DNMBP: variants seen among roughly 807,000 people sequenced by gnomAD.
The protein encoded by DNMBP is dynamin-binding protein.
A neutral mutation model predicts 150.0 loss-of-function variants in DNMBP; 87 were observed. That is an observed-to-expected ratio of 0.58 (90% confidence interval 0.49 to 0.69). The LOEUF is 0.69. Ranked by LOEUF, DNMBP falls within the 30% of genes least tolerant of loss-of-function variation. The probability of loss-of-function intolerance (pLI) is 0.00; values close to 1 mark genes in which losing one functional copy is unlikely to be tolerated. For synonymous variants in DNMBP, 711 were observed against 750.4 expected (o/e 0.95, Z 0.86); for missense variants, 1,774 against 1,949.0 (o/e 0.91, Z 1.69).
At chr10:99,978,050 A>C (rs2040747125) in intron 1 of DNMBP, among the ~76,000 whole-genome samples, 1 of 152,242 alleles carries the variant, frequency 6.6e-6, no homozygotes, top group South Asian at 2.1e-4. Context: ...ACCAAGTGTC[A>C]GACACTGATC....
rs78121188 is a variant in DNMBP, at chr10:99,896,713, G to A, written c.2921-316C>T. ...CATTAAATCAGTCATTTTACCTTGA[G>A]TCTCATTTTCCTCTTCAATAAAATG... On this transcript the variant is annotated intron_variant, in intron 9 of 16. Coordinates refer to ENST00000324109, the MANE Select transcript of DNMBP (RefSeq NM_015221.4). Among the ~76,000 whole-genome samples the A allele has an allele frequency of 6.6e-3, 1,004 of 152,284 alleles. 12 individuals are homozygous for A. The highest frequency in any genetic ancestry group is 0.023 in the African/African-American group (960 of 41,576).
At chr10:99,971,518 T>C (rs1303874886) in intron 2 of DNMBP, among the ~76,000 whole-genome samples, 1 of 151,574 alleles carries the variant, frequency 6.6e-6, no homozygotes, top group Admixed American at 6.6e-5. Flanking sequence ...TTTTTATTTT[T>C]ATTATTTATT....
intron 4 of DNMBP, among the ~76,000 whole-genome samples, chr10:99,914,857 CGA>C (rs1221757903): frequency 2.6e-5 from 4 of 151,718 alleles, no homozygotes; most frequent in Non-Finnish European, 4.4e-5. Flanking sequence ...CCTGGGAGGC[CGA>C]GATGGGTGGA....
intron 7 of DNMBP, among the ~76,000 whole-genome samples, chr10:99,899,419 C>A (rs1419036064): frequency 6.6e-6 from 1 of 151,938 alleles, no homozygotes; most frequent in Non-Finnish European, 1.5e-5. Flanking sequence ...GTGGCCAACA[C>A]GGTGAAACCC....
intron 4 of DNMBP, among the ~76,000 whole-genome samples, chr10:99,919,113 C>T (rs1295328833): frequency 6.6e-6 from 1 of 152,140 alleles, no homozygotes; most frequent in Admixed American, 6.5e-5. Context: ...TCACGTTTTA[C>T]AAATGAGGAA....
At position 99,952,165 on chromosome 10, in the gene DNMBP, CCAT is replaced by C. The variant is rs377514945; in HGVS notation, c.2260+3046_2260+3048del. On this transcript the variant is annotated intron_variant, in intron 4 of 16. Transcript: ENST00000324109. ...GTGACTTGCTCCTCCTTGCCTTCCACCATGATTGTGAGGCCTCCCCAACCATGT... is the reference window on the plus strand; with the variant it reads ...GTGACTTGCTCCTCCTTGCCTTCCACGATTGTGAGGCCTCCCCAACCATGT... Among the ~76,000 whole-genome samples, 235 of 152,272 alleles carry C rather than the reference CCAT, an allele frequency of 1.5e-3. 1 individual carries two copies. The highest frequency in any genetic ancestry group is 0.014 in the East Asian group (72 of 5,176).
intron 4 of DNMBP, among the ~76,000 whole-genome samples, chr10:99,946,411 A>C (rs954390879): frequency 2.0e-5 from 3 of 152,270 alleles, no homozygotes; most frequent in African/African-American, 7.2e-5. Context: ...TACTATTTAA[A>C]GGCATGTAAA....
intron 4 of DNMBP, among the ~76,000 whole-genome samples, chr10:99,932,631 T>C (rs1269148886): frequency 2.7e-5 from 4 of 149,296 alleles, no homozygotes; most frequent in Non-Finnish European, 5.9e-5. Flanking sequence ...TCATATCCGA[T>C]TCTAAGAAGA....
chr10:100,007,223 T>C (rs1015145334), intron 1 of DNMBP, among the ~76,000 whole-genome samples: 2 of 152,130 alleles, frequency 1.3e-5, no homozygotes, highest in African/African-American at 2.4e-5. Context: ...TACCCTTTCC[T>C]GACTCTAAAG....
chr10:99,979,592 G>A (rs4919407), intron 1 of DNMBP, among the ~76,000 whole-genome samples: 71,007 of 151,960 alleles, frequency 0.47, 17,610 homozygotes, highest in African/African-American at 0.63. Context: ...TTCTGAGGAC[G>A]CTAATCTTTG....
chr10:99,910,792 A>G (rs2039889575), intron 4 of DNMBP, among the ~76,000 whole-genome samples: 1 of 152,260 alleles, frequency 6.6e-6, no homozygotes, highest in African/African-American at 2.4e-5. Context: ...TTGAGTATAA[A>G]TGAAAAAGCA....
intron 1 of DNMBP, among the ~76,000 whole-genome samples, chr10:99,993,614 C>A (rs1222326905): frequency 6.6e-6 from 1 of 152,028 alleles, no homozygotes; most frequent in Non-Finnish European, 1.5e-5. Flanking sequence ...CCAGTCTGGG[C>A]AACATAGTGA....
intron 4 of DNMBP, among the ~76,000 whole-genome samples, chr10:99,910,504 T>C (rs868271852): frequency 1.3e-5 from 2 of 152,176 alleles, no homozygotes; most frequent in Non-Finnish European, 2.9e-5. Context: ...AGTGCCATTA[T>C]TGCACTCCAG....
At chr10:100,007,157 C>G (rs559181622) in intron 1 of DNMBP, among the ~76,000 whole-genome samples, 1 of 152,188 alleles carries the variant, frequency 6.6e-6, no homozygotes, top group South Asian at 2.1e-4. Flanking sequence ...TATTTGACCC[C>G]TCTATATAAA....
intron 4 of DNMBP, chr10:99,914,115 A>G (rs1242045217): frequency 2.2e-6 from 3 of 1,359,010 alleles, no homozygotes; most frequent in Non-Finnish European, 2.9e-6. Context: ...GAATCGCGCA[A>G]GTCACCCGGG....
Position 99,983,641 on chromosome 10 carries a change from G to C in DNMBP, c.-10-11507C>G, listed in dbSNP as rs145487051. 2.7e-3 allele frequency among the ~76,000 whole-genome samples: 418 copies of C among 152,326 alleles called. 3 individuals carry two copies. The highest frequency in any genetic ancestry group is 4.2e-3 in the Non-Finnish European group (286 of 68,034). On this transcript the variant is annotated intron_variant, in intron 1 of 16. Coordinates refer to ENST00000324109, the MANE Select transcript of DNMBP (RefSeq NM_015221.4). ...CTTCAACAGCGGCCTCCTACCCTGC[G>C]TGCCCCCAGGACCGCAGCACTGACT...
intron 16 of DNMBP, among the ~76,000 whole-genome samples, chr10:99,877,698 T>C (rs2039298355): frequency 6.6e-6 from 1 of 152,090 alleles, no homozygotes; most frequent in Non-Finnish European, 1.5e-5. Context: ...ACCCCACCTC[T>C]ACTAAAAATA....
intron 15 of DNMBP, among the ~76,000 whole-genome samples, chr10:99,882,574 A>T (rs183199462): frequency 5.5e-4 from 84 of 152,244 alleles, no homozygotes; most frequent in Non-Finnish European, 1.0e-3. Flanking sequence ...ACAAAGCTAG[A>T]CCCTATCTCA....
Position 99,955,638 on chromosome 10 carries a change from TGGC to T in DNMBP, c.1833_1835del (p.Pro613del). On this transcript the variant is annotated inframe_deletion, in exon 4 of 17. Transcript: ENST00000324109. ...TGGATACCGGAGTACAGGGACGAGG[TGGC>T]GGTGGCCTTAGGGCCTTTCTCCTTT... 1 of 1,614,188 alleles carries T rather than the reference TGGC, an allele frequency of 6.2e-7. No individual in the cohort carries two copies.
Sources: gnomAD v4.1 joint callset for allele counts (sites outside exome capture counted in the v4.1 genomes callset) on GRCh38, gnomAD v4.1.1 for gene constraint, MANE v1.5 for transcripts, NCBI Gene and HGNC (gene_info 2026-07-23, HGNC 2026-07-21) for gene names.